GAGE12J: variants seen among roughly 807,000 people sequenced by gnomAD.
The protein encoded by GAGE12J is G antigen 11.
A neutral mutation model predicts 8.5 loss-of-function variants in GAGE12J; 5 were observed. The ratio of observed to expected loss-of-function variants is 0.59; its 90% CI spans 0.31 to 1.24. GAGE12J has a LOEUF of 1.24. GAGE12J is among the 50% of genes most tolerant of loss of function. GAGE12J has a pLI of 0.06. For missense variants in GAGE12J, 26 were observed against 63.0 expected (o/e 0.41, Z 1.99); for synonymous variants, 10 against 19.2 (o/e 0.52, Z 1.25).
At chrX:49,322,477 C>A (rs782104844) in intron 1 of GAGE12J, among the ~76,000 whole-genome samples, 4 of 106,057 alleles carry the variant, frequency 3.8e-5, no homozygotes, top group African/African-American at 1.3e-4. Context: ...CCGGCGGGGG[C>A]GAGGCGGGCG....
At chrX:49,324,787 A>C (rs1222992163) in intron 3 of GAGE12J, among the ~76,000 whole-genome samples, 1 of 56,344 alleles carries the variant, frequency 1.8e-5, no homozygotes, top group African/African-American at 4.3e-5. Flanking sequence ...TCGGACCTAA[A>C]TATAACTTTA....
chrX:49,328,175 T>A (rs1339978413), intron 4 of GAGE12J, among the ~76,000 whole-genome samples: 1 of 75,696 alleles, frequency 1.3e-5, no homozygotes, highest in Non-Finnish European at 3.3e-5. Flanking sequence ...GTTACATATG[T>A]ATACATGTGC....
At chrX:49,322,271 C>G (rs1449847488) in intron 1 of GAGE12J, 127 bp downstream of exon 1, 1 of 104,291 alleles carries the variant, frequency 9.6e-6, no homozygotes, top group Non-Finnish European at 2.0e-5. Flanking sequence ...CGAGGTCGTC[C>G]TCCTTCCCTT....
chrX:49,322,551 G>C (rs1448849713), intron 1 of GAGE12J, among the ~76,000 whole-genome samples: 3 of 96,856 alleles, frequency 3.1e-5, no homozygotes, highest in Non-Finnish European at 6.8e-5. Flanking sequence ...CAGCGGTGTG[G>C]AGTGCGGAGC....
chrX:49,323,261 T>A lies in GAGE12J; in HGVS notation c.68T>A (p.Met23Lys). ...AGACCCTATGTACAGCCTCCTGAAATGATTGGGCCTATGCGGGTGAGTGCT... is the reference window on the plus strand; with the variant it reads ...AGACCCTATGTACAGCCTCCTGAAAAGATTGGGCCTATGCGGGTGAGTGCT... ...RPRPYVQPPE[M>K]IGPMRPEQFS... The change falls in exon 2 of 5, where the codon ATG becomes AAG. Residue 23 changes from methionine to lysine, a missense_variant. By Grantham distance (95) the Met-to-Lys change is moderately conservative. Coordinates refer to ENST00000442437, the MANE Select transcript of GAGE12J (RefSeq NM_001098406.4). 1 of 1,147,471 alleles carries A rather than the reference T, an allele frequency of 8.7e-7. No homozygotes were observed. The allele number at this position is 1,147,471 out of a possible 1,213,427, so 94.6% of individuals were successfully genotyped here.
At position 49,325,528 on chromosome X, in the gene GAGE12J, A is replaced by G. The variant is rs7051309; in HGVS notation, c.206-1162A>G. Among the ~76,000 whole-genome samples, 9 of 86,392 alleles carry G rather than the reference A, an allele frequency of 1.0e-4. No individual in the cohort carries two copies. In the East Asian group the frequency reaches 2.8e-3, roughly 27 times the overall value. 75.0% of individuals were successfully genotyped at this position (86,392 alleles called of 115,157 possible). A position where few individuals can be genotyped will look rare whatever the true frequency, so the allele number is the denominator to read the frequency against. ...GTTCATCTGGATTCACCAATTGTTA[A>G]TAGCTTTCGCTTCATCAGTTTCACA... On this transcript the variant is annotated intron_variant, in intron 3 of 4. Coordinates refer to ENST00000442437, the MANE Select transcript of GAGE12J (RefSeq NM_001098406.4).
At chrX:49,322,664 AG>A (rs782653640) in intron 1 of GAGE12J, among the ~76,000 whole-genome samples, 5 of 85,409 alleles carry the variant, frequency 5.9e-5, no homozygotes, top group Non-Finnish European at 1.3e-4. Flanking sequence ...ACTTGTTGTG[AG>A]GGGGGGTGAA....
At chrX:49,325,644 T>G (rs1404894946) in intron 3 of GAGE12J, among the ~76,000 whole-genome samples, 6 of 79,755 alleles carry the variant, frequency 7.5e-5, no homozygotes, top group Non-Finnish European at 1.9e-4. Flanking sequence ...ATTGTCTCGA[T>G]AAAGTTTCAG....
chrX:49,325,795 TGC>T, intron 3 of GAGE12J, among the ~76,000 whole-genome samples: 3 of 46,454 alleles, frequency 6.5e-5, no homozygotes, highest in South Asian at 2.0e-3. Context: ...TAATACAGAG[TGC>T]ATACTCAAAT....
intron 1 of GAGE12J, among the ~76,000 whole-genome samples, chrX:49,322,424 G>T (rs2066422998): frequency 9.2e-6 from 1 of 109,100 alleles, no homozygotes; most frequent in Admixed American, 9.6e-5. Context: ...CCGAGGTGCC[G>T]GGAACCCCCG....
rs782401266 is a variant in GAGE12J at position 49,323,229 on chromosome X, T to G, written c.36T>G (p.Pro12=). 2.6e-5 allele frequency: 30 copies of G among 1,142,341 alleles called. No homozygotes were observed. Among genetic ancestry groups the G allele is most frequent in the African/African-American group, 8.9e-5 (5 of 56,046 alleles). The allele number at this position is 1,142,341 out of a possible 1,213,427, so 94.1% of individuals were successfully genotyped here. Residue 12 remains proline (P), a synonymous_variant, in exon 2 of 5, where the codon CCT becomes CCG. Transcript: ENST00000442437. ...SWRGRSTYYW[P]RPRPYVQPPE... is the part of the protein sequence containing the mutation. The stretch of plus-strand genomic sequence containing the variant: ...GAGGAAGATCGACCTATTATTGGCC[T>G]AGACCAAGACCCTATGTACAGCCTC...
In GAGE12J at chrX:49,328,141, T is replaced by C. The variant is rs1377202421; in HGVS notation, c.332-1130T>C. Among the ~76,000 whole-genome samples, 4 of 76,124 alleles carry C rather than the reference T, an allele frequency of 5.3e-5. 2 individuals are homozygous for C. The highest frequency in any genetic ancestry group is 1.4e-4 in the African/African-American group (4 of 28,809). 66.1% of individuals were successfully genotyped at this position (76,124 alleles called of 115,157 possible). On this transcript the variant is annotated intron_variant, in intron 4 of 4. Coordinates refer to ENST00000442437, the MANE Select transcript of GAGE12J (RefSeq NM_001098406.4). ...TATTGTTATACTTTAAGTTTTAGGG[T>C]ACATGTGCACGTTGTGCAGGTTAGT...
intron 4 of GAGE12J, among the ~76,000 whole-genome samples, chrX:49,328,214 A>C (rs2066451798): frequency 1.4e-5 from 1 of 70,874 alleles, no homozygotes; most frequent in Non-Finnish European, 3.6e-5. Flanking sequence ...CCACTATCTC[A>C]TCATCTAGCA....
Position 49,323,239 on chromosome X carries a change from C to A in GAGE12J, c.46C>A (p.Pro16Thr), listed in dbSNP as rs782057929. Residue 16 changes from proline to threonine, a missense_variant, in exon 2 of 5, where the codon CCC (proline) becomes ACC (threonine). By Grantham distance (38) the Pro-to-Thr change is conservative (BLOSUM62 -1). Transcript: ENST00000442437. ...GACCTATTATTGGCCTAGACCAAGA[C>A]CCTATGTACAGCCTCCTGAAATGAT... ...RSTYYWPRPR[P>T]YVQPPEMIGP... is the part of the protein sequence containing the mutation. 5.2e-6 allele frequency: 6 copies of A among 1,145,427 alleles called. No individual in the cohort carries two copies. The East Asian group carries it at 1.5e-4, about 29-fold the overall frequency. The allele number at this position is 1,145,427 out of a possible 1,213,427, so 94.4% of individuals were successfully genotyped here.
chrX:49,324,814 T>C (rs1318150447), intron 3 of GAGE12J, among the ~76,000 whole-genome samples: 47 of 17,441 alleles, frequency 2.7e-3, no homozygotes, highest in African/African-American at 4.9e-3. Context: ...CAAAGTGAAG[T>C]TTCTCTTTAC....
intron 1 of GAGE12J, among the ~76,000 whole-genome samples, chrX:49,322,398 T>TG (rs2066422724): frequency 9.2e-6 from 1 of 108,120 alleles, no homozygotes; most frequent in African/African-American, 3.3e-5. Context: ...TGAGTGCTGT[T>TG]GGGGGGATGG....
intron 1 of GAGE12J, 120 bp from the exon 2 acceptor site, chrX:49,323,066 G>A (rs2066427395): frequency 1.2e-6 from 1 of 803,256 alleles, no homozygotes; most frequent in South Asian, 2.2e-5. Context: ...GCTTAACTCT[G>A]GGACTTATCT....
At chrX:49,322,512 G>A (rs1333986576) in intron 1 of GAGE12J, among the ~76,000 whole-genome samples, 1 of 103,213 alleles carries the variant, frequency 9.7e-6, no homozygotes, top group African/African-American at 3.3e-5. Flanking sequence ...TGGCACCTGG[G>A]AAGGCTGCGG....
chrX:49,325,205 CATAA>C (rs1354030229), intron 3 of GAGE12J, among the ~76,000 whole-genome samples: 3 of 74,795 alleles, frequency 4.0e-5, no homozygotes, highest in African/African-American at 1.1e-4. Flanking sequence ...TAAATAAATA[CATAA>C]ATAAATTCAT....
Sources: allele counts gnomAD v4.1 joint callset (sites outside exome capture counted in the v4.1 genomes callset), GRCh38; gene constraint gnomAD v4.1.1; transcripts MANE v1.5; gene names NCBI Gene and HGNC (gene_info 2026-07-23, HGNC 2026-07-21).